The following C11orf65 variants were observed in gnomAD, a reference collection of about 807,000 sequenced individuals.
The protein encoded by C11orf65 is protein MFI.
Under a neutral mutation model 35.3 loss-of-function variants are expected in C11orf65, and 38 were observed. The observed-to-expected ratio is 1.08, with a 90% CI of 0.83 to 1.41. C11orf65 has a LOEUF of 1.41. C11orf65 is among the 40% of genes most tolerant of loss of function. The pLI is 0.00. For synonymous variants in C11orf65, 105 were observed against 114.4 expected, an observed-to-expected ratio of 0.92 and a Z score of 0.53; for missense variants, 370 against 367.1, an observed-to-expected ratio of 1.01 and a Z score of -0.06.
downstream of C11orf65, chr11:108,331,149 G>C (rs917094319): frequency 9.0e-7 from 1 of 1,105,244 alleles, no homozygotes; most frequent in South Asian, 2.6e-5. Context: ...GTCACACTCA[G>C]ATCACATTTG....
chr11:108,354,720 C>T (rs747062278), intron 2 of C11orf65: 1 of 1,126,100 alleles, frequency 8.9e-7, no homozygotes, highest in Non-Finnish European at 1.4e-6. Flanking sequence ...AGCATAGGCT[C>T]AGCATACTAC....
At chr11:108,425,359 A>G (rs181191328) in intron 3 of C11orf65, among the ~76,000 whole-genome samples, 2 of 152,344 alleles carry the variant, frequency 1.3e-5, no homozygotes, top group East Asian at 3.9e-4. Context: ...ATCAGAGAAT[A>G]CTATACACAC....
intron 2 of C11orf65, among the ~76,000 whole-genome samples, chr11:108,441,192 G>T (rs61407862): frequency 6.6e-6 from 1 of 152,360 alleles, no homozygotes; most frequent in East Asian, 1.9e-4. Context: ...CTGGCTCAGA[G>T]GGTCCCACAC....
intron 2 of C11orf65, chr11:108,347,191 A>G (rs2088525815): frequency 9.9e-7 from 1 of 1,011,446 alleles, no homozygotes; most frequent in Non-Finnish European, 1.6e-6. Context: ...AGATTATACC[A>G]AGTCAGTGGT....
At chr11:108,330,581 T>C (rs2086152001), downstream of C11orf65, among the ~76,000 whole-genome samples, 1 of 152,206 alleles carries the variant, frequency 6.6e-6, no homozygotes, top group African/African-American at 2.4e-5. Context: ...TTGATCCATA[T>C]TTAGGATTAT....
chr11:108,453,710 C>T (rs887751733), intron 2 of C11orf65, among the ~76,000 whole-genome samples: 7 of 152,126 alleles, frequency 4.6e-5, no homozygotes, highest in East Asian at 1.9e-4. Context: ...ATGTGGTCAT[C>T]GCATTTATTG....
chr11:108,449,661 T>C (rs1031100070), intron 2 of C11orf65, among the ~76,000 whole-genome samples: 5 of 152,112 alleles, frequency 3.3e-5, no homozygotes, highest in Admixed American at 2.0e-4. Flanking sequence ...ACTTACATGT[T>C]AGACCTAAAA....
rs1027667991 is a variant in C11orf65, at chr11:108,354,891, G to C, written c.227-19599C>G. The C allele has an allele frequency of 6.2e-7, 1 of 1,600,176 alleles. No individual in the cohort carries two copies. Among genetic ancestry groups the C allele is most frequent in the Non-Finnish European group, 8.6e-7 (1 of 1,167,520 alleles). The stretch of plus-strand genomic sequence containing the variant: ...ATTGTAGAGGTAAAGTATTTTATAA[G>C]GAAGACTTTATTTTTTTTCTTACCA... On this transcript the variant is annotated intron_variant, in intron 2 of 3. Transcript: ENST00000524755.
downstream of C11orf65, among the ~76,000 whole-genome samples, chr11:108,382,594 C>T (rs1191389719): frequency 6.6e-6 from 1 of 151,644 alleles, no homozygotes; most frequent in African/African-American, 2.4e-5. Context: ...AAAAAAGGTT[C>T]AGTGAAGAAA....
chr11:108,374,918 G>C (rs1430621000), intron 2 of C11orf65, among the ~76,000 whole-genome samples: 1 of 152,128 alleles, frequency 6.6e-6, no homozygotes, highest in Admixed American at 6.6e-5. Flanking sequence ...AAAATGAAGC[G>C]AGAAGGGAAG....
At chr11:108,358,718 T>G (rs1389034256) in intron 2 of C11orf65, among the ~76,000 whole-genome samples, 2 of 150,198 alleles carry the variant, frequency 1.3e-5, no homozygotes, top group Non-Finnish European at 3.0e-5. Context: ...GAAGTAGAAA[T>G]AAAATACTTT....
At chr11:108,447,133 C>A (rs1349903134) in intron 2 of C11orf65, among the ~76,000 whole-genome samples, 1 of 152,128 alleles carries the variant, frequency 6.6e-6, no homozygotes, top group Non-Finnish European at 1.5e-5. Context: ...ATTCATAAAG[C>A]AAGTCCTGAG....
At chr11:108,341,355 T>C (rs1288448766) in intron 2 of C11orf65, among the ~76,000 whole-genome samples, 1 of 152,132 alleles carries the variant, frequency 6.6e-6, no homozygotes, top group Admixed American at 6.6e-5. Context: ...TTTCTCTCTT[T>C]TTTAAACTTA....
chr11:108,359,866 C>A (rs1285960464), intron 2 of C11orf65, among the ~76,000 whole-genome samples: 1 of 151,974 alleles, frequency 6.6e-6, no homozygotes, highest in Non-Finnish European at 1.5e-5. Flanking sequence ...AACTGACACC[C>A]TAACATCACA....
chr11:108,349,031 T>C lies in C11orf65; in HGVS notation c.227-13739A>G, dbSNP rs180734350. Among the ~76,000 whole-genome samples the C allele has an allele frequency of 6.8e-4, 103 of 152,276 alleles. 1 individual carries two copies. The highest frequency in any genetic ancestry group is 2.4e-3 in the African/African-American group (100 of 41,560). On this transcript the variant is annotated intron_variant, in intron 2 of 3. Transcript: ENST00000524755. The stretch of plus-strand genomic sequence containing the variant: ...TAGATTTCAGTTGAAGTCACTGGGC[T>C]GGAGGAGGTTCTGATCTCACACATC...
intron 3 of C11orf65, among the ~76,000 whole-genome samples, chr11:108,407,948 A>AAAAAGAAAAG (rs1555166206): frequency 1.7e-5 from 2 of 114,772 alleles, no homozygotes; most frequent in South Asian, 2.8e-4. Context: ...AAAAAAAAAA[A>AAAAAGAAAAG]AAAAGAAAAG....
intron 2 of C11orf65, among the ~76,000 whole-genome samples, chr11:108,369,313 C>A (rs953509589): frequency 2.0e-5 from 3 of 152,112 alleles, no homozygotes; most frequent in Non-Finnish European, 4.4e-5. Flanking sequence ...TCTAAATATC[C>A]TAGTAGTGTT....
At chr11:108,438,290 G>A (rs970273507) in intron 2 of C11orf65, among the ~76,000 whole-genome samples, 3 of 152,092 alleles carry the variant, frequency 2.0e-5, no homozygotes, top group African/African-American at 4.8e-5. Flanking sequence ...AGTGGCTCAC[G>A]CCTATAATTT....
At chr11:108,315,072 C>T (rs530884081) in intron 6 of C11orf65, among the ~76,000 whole-genome samples, 1 of 152,128 alleles carries the variant, frequency 6.6e-6, no homozygotes, top group Non-Finnish European at 1.5e-5. Context: ...TATAGTATTG[C>T]AGTAAACACA....
Sources: gnomAD v4.1 joint callset for allele counts (sites outside exome capture counted in the v4.1 genomes callset) on GRCh38, gnomAD v4.1.1 for gene constraint, MANE v1.5 for transcripts, NCBI Gene and HGNC (gene_info 2026-07-23, HGNC 2026-07-21) for gene names.